Variants in SNX25 observed in about 807,000 individuals in gnomAD.
SNX25 encodes the protein sorting nexin-25.
SNX25 carries 62 observed loss-of-function variants against 113.7 expected under a neutral mutation model. The observed-to-expected ratio is 0.55, with a 90% confidence interval of 0.44 to 0.67. The LOEUF (loss-of-function observed/expected upper bound fraction) is 0.67, where lower values mean the gene tolerates loss of function less well. Among genes scored for constraint, SNX25 ranks in the 30% least tolerant of loss-of-function variants. The probability of loss-of-function intolerance (pLI) is 0.00; values close to 1 mark genes in which losing one functional copy is unlikely to be tolerated. For synonymous variants in SNX25, 421 were observed against 436.2 expected, an observed-to-expected ratio of 0.97 and a Z score of 0.43; for missense variants, 1,014 against 1,161.0, an observed-to-expected ratio of 0.87 and a Z score of 1.84.
In SNX25 at chr4:185,260,381, G is replaced by A. The variant is rs187902981; in HGVS notation, c.731+1317G>A. 1.9e-3 allele frequency among the ~76,000 whole-genome samples: 283 copies of A among 152,198 alleles called. 9 individuals carry two copies. Among genetic ancestry groups the A allele is most frequent in the Admixed American group, 0.015 (234 of 15,288 alleles). ...TCTAGTGGCGAGCTGGAGCTGGCTT[G>A]TACTGGCATGCAGGAGTGAACTGTG... On this transcript the variant is annotated intron_variant, in intron 3 of 18. Transcript: ENST00000652585.
chr4:185,248,712 T>A (rs1745201125), intron 2 of SNX25, among the ~76,000 whole-genome samples: 1 of 152,356 alleles, frequency 6.6e-6, no homozygotes, highest in South Asian at 2.1e-4. Flanking sequence ...TTACATACTT[T>A]GAAATGTACA....
At chr4:185,337,256 T>C (rs537337784) in intron 10 of SNX25, among the ~76,000 whole-genome samples, 26 of 152,276 alleles carry the variant, frequency 1.7e-4, no homozygotes, top group African/African-American at 5.3e-4. Context: ...TTCCCCTCCC[T>C]CATGCTCTGG....
rs76886642 is a variant in SNX25, at chr4:185,305,481, T to A, written c.1163-5154T>A. On this transcript the variant is annotated intron_variant, in intron 6 of 18. Transcript: ENST00000652585. ...GTTGTACTATTTCTGGAGTCATGAG[T>A]TTGCACTTTAAGTTACTTTGCTCTC... Among the ~76,000 whole-genome samples, 942 of 152,252 alleles carry A rather than the reference T, an allele frequency of 6.2e-3. 16 individuals carry two copies. The highest frequency in any genetic ancestry group is 0.049 in the South Asian group (236 of 4,820).
intron 1 of SNX25, among the ~76,000 whole-genome samples, chr4:185,235,445 G>A (rs993201132): frequency 2.0e-5 from 3 of 152,154 alleles, no homozygotes; most frequent in African/African-American, 7.2e-5. Flanking sequence ...GGCTTTCAAG[G>A]GACATGGTTT....
the SNX25 span, chr4:185,375,846 A>G: frequency 5.8e-6 from 3 of 520,988 alleles, no homozygotes; most frequent in Non-Finnish European, 1.0e-5. Context: ...CAATGCAGCC[A>G]TATCTGAACC....
chr4:185,377,009 TG>T, the SNX25 span: 1 of 1,609,882 alleles, frequency 6.2e-7, no homozygotes, highest in Non-Finnish European at 8.5e-7. Context: ...CAAATTAGCA[TG>T]GGTGTAATCT....
chr4:185,290,921 G>A (rs1174097215), intron 6 of SNX25, among the ~76,000 whole-genome samples: 1 of 152,152 alleles, frequency 6.6e-6, no homozygotes, highest in Non-Finnish European at 1.5e-5. Flanking sequence ...TCAGGAAAGG[G>A]GGCAGTTACG....
intron 2 of SNX25, among the ~76,000 whole-genome samples, chr4:185,249,577 C>T (rs1043258087): frequency 6.6e-6 from 1 of 152,050 alleles, no homozygotes; most frequent in African/African-American, 2.4e-5. Flanking sequence ...TTAATGCTAT[C>T]TTTGAGTGGA....
At chr4:185,305,188 TA>T (rs1482308240) in intron 6 of SNX25, among the ~76,000 whole-genome samples, 3 of 152,052 alleles carry the variant, frequency 2.0e-5, no homozygotes, top group Non-Finnish European at 4.4e-5. Flanking sequence ...CATCTAGTGG[TA>T]GAGGCTAGGC....
chr4:185,335,024 A>T (rs886949278), intron 10 of SNX25, among the ~76,000 whole-genome samples: 6 of 152,124 alleles, frequency 3.9e-5, no homozygotes, highest in African/African-American at 1.4e-4. Context: ...TAATTTTTTT[A>T]AAAACTTAAG....
At chr4:185,371,540 TAAAAAAAAAAAAAA>T (rs11288148), downstream of SNX25, among the ~76,000 whole-genome samples, 1 of 78,302 alleles carries the variant, frequency 1.3e-5, no homozygotes, top group Non-Finnish European at 2.5e-5. Flanking sequence ...AGACTCCGTC[TAAAAAAAAAAAAAA>T]AAAAAAAAAG....
At chr4:185,206,256 T>C (rs538786629), upstream of SNX25, among the ~76,000 whole-genome samples, 2 of 152,330 alleles carry the variant, frequency 1.3e-5, no homozygotes, top group South Asian at 4.1e-4. Flanking sequence ...CAAGTGTTTG[T>C]TTATCAACAG....
Position 185,247,301 on chromosome 4 carries a change from T to C in SNX25, c.437T>C (p.Val146Ala), listed in dbSNP as rs1745000606. 1 of 1,599,808 alleles carries C rather than the reference T, an allele frequency of 6.3e-7. No individual in the cohort carries two copies. Among genetic ancestry groups the C allele is most frequent in the Admixed American group, 1.8e-5 (1 of 56,450 alleles). ...TTTTTCCTTTCATTTCAGAGTCCTG[T>C]GTATGGAAACTCACATGAGTCAGCT... Reference protein sequence around the residue: ...SAARRPPGSPVYGNSHESAQS... With the variant: ...SAARRPPGSPAYGNSHESAQS... Residue 146 changes from valine to alanine, a missense_variant, in exon 2 of 19, where the codon GTG becomes GCG. Transcript: ENST00000652585.
intron 2 of SNX25, among the ~76,000 whole-genome samples, chr4:185,257,378 A>G (rs1033469387): frequency 6.6e-6 from 1 of 152,224 alleles, no homozygotes; most frequent in South Asian, 2.1e-4. Context: ...CTTCTTTCTA[A>G]ATAGGCTTTA....
intron 6 of SNX25, among the ~76,000 whole-genome samples, chr4:185,300,840 G>GAC (rs58762122): frequency 0.052 from 7,382 of 140,722 alleles, 228 homozygotes; most frequent in Middle Eastern, 0.072. Flanking sequence ...TGATTATTAT[G>GAC]ACACACACAC....
At chr4:185,309,243 G>A (rs1053053792) in intron 6 of SNX25, among the ~76,000 whole-genome samples, 8 of 152,114 alleles carry the variant, frequency 5.3e-5, no homozygotes, top group Non-Finnish European at 1.0e-4. Context: ...TGGAAGCCTC[G>A]GGGCAGGTGA....
chr4:185,210,069 G>A lies in SNX25; in HGVS notation c.243G>A (p.Ala81=), dbSNP rs926422753. The change falls in exon 1 of 19, where the codon GCG becomes GCA. Residue 81 remains alanine (A), a synonymous_variant. Coordinates refer to ENST00000652585, the MANE Select transcript of SNX25 (RefSeq NM_001378034.2). This position sits in a 1 kb window ranked among gnomAD's most constrained non-coding sequence, Gnocchi z 4.4. ...TCCTGGGGCCCGGCAGCGGGGAGGC[G>A]GCGGGGGCCGCGGGGCTGAGCTCCG... ...LSFLGPGSGE[A]AGAAGLSSVL... is the part of the protein sequence containing the mutation. 4.1e-6 allele frequency: 4 copies of A among 983,876 alleles called. No homozygotes were observed. The African/African-American group carries it at 7.0e-5, about 17-fold the overall frequency. The allele number at this position is 983,876 out of a possible 1,614,324, so 60.9% of individuals were successfully genotyped here. A position where few individuals can be genotyped will look rare whatever the true frequency, so the allele number is the denominator to read the frequency against.
chr4:185,337,990 A>C (rs1037329713), intron 10 of SNX25, among the ~76,000 whole-genome samples: 2 of 152,108 alleles, frequency 1.3e-5, no homozygotes, highest in African/African-American at 2.4e-5. Context: ...TGTCTATTCA[A>C]ATCCTTTGTG....
chr4:185,207,127 G>T (rs897917571), upstream of SNX25, among the ~76,000 whole-genome samples: 1 of 151,820 alleles, frequency 6.6e-6, no homozygotes, highest in African/African-American at 2.4e-5. Flanking sequence ...AATCTTCTTG[G>T]GAAACACCCA....
Sources: gnomAD v4.1 joint callset for allele counts (sites outside exome capture counted in the v4.1 genomes callset) on GRCh38, gnomAD v4.1.1 for gene constraint, Gnocchi (gnomAD v3.1) non-coding constraint, MANE v1.5 for transcripts, NCBI Gene and HGNC (gene_info 2026-07-23, HGNC 2026-07-21) for gene names.